Variants in ZFPM2 observed in about 807,000 individuals in gnomAD.
The protein encoded by ZFPM2 is zinc finger protein, FOG family member 2, also known as zinc finger protein ZFPM2.
ZFPM2 carries 20 observed loss-of-function variants against 98.6 expected under a neutral mutation model. The observed-to-expected ratio is 0.20, with a 90% CI of 0.14 to 0.29. ZFPM2 has a LOEUF of 0.29. ZFPM2 is among the 10% of genes least tolerant of loss of function. The pLI, the probability that ZFPM2 is intolerant of heterozygous loss-of-function variation, is 1.00. For missense variants in ZFPM2, 1,310 were observed against 1,388.6 expected, an observed-to-expected ratio of 0.94 and a Z score of 0.90; for synonymous variants, 518 against 502.7, an observed-to-expected ratio of 1.03 and a Z score of -0.41.
intron 2 of ZFPM2, among the ~76,000 whole-genome samples, chr8:105,419,779 G>T (rs1811756092): frequency 6.6e-6 from 1 of 151,878 alleles, no homozygotes; most frequent in African/African-American, 2.4e-5. Flanking sequence ...GGTGCTGTGG[G>T]GATATTGTCA....
chr8:105,456,686 GT>G (rs1272286137), intron 3 of ZFPM2, among the ~76,000 whole-genome samples: 1 of 151,930 alleles, frequency 6.6e-6, no homozygotes, highest in Non-Finnish European at 1.5e-5. Flanking sequence ...TTGCTTGTTT[GT>G]TTTGAGATGG....
intron 1 of ZFPM2, among the ~76,000 whole-genome samples, chr8:105,399,779 T>C (rs1287260882): frequency 2.6e-5 from 4 of 152,216 alleles, no homozygotes; most frequent in Non-Finnish European, 5.9e-5. Context: ...TTGTTTTTTT[T>C]GTTTTGAGAC....
Position 105,785,324 on chromosome 8 carries a change from AACAC to A in ZFPM2, c.533-3385_533-3382del, listed in dbSNP as rs994080901. On this transcript the variant is annotated intron_variant, in intron 5 of 7. Transcript: ENST00000407775. ...ATATACACACATACAACAGACACAC[AACAC>A]ACACACACGCACACGCACACTTGGA... 5.4e-5 allele frequency: 8 copies of A among 147,136 alleles called. 1 individual carries two copies. The highest frequency in any genetic ancestry group is 3.4e-3 in the Middle Eastern group (1 of 292). 9.1% of individuals were successfully genotyped at this position (147,136 alleles called of 1,614,324 possible).
chr8:105,733,143 A>C (rs1419104622), intron 5 of ZFPM2, among the ~76,000 whole-genome samples: 1 of 152,032 alleles, frequency 6.6e-6, no homozygotes. Flanking sequence ...AGATACAGTA[A>C]TGTGTGCATA....
At chr8:105,647,717 T>C (rs948570503) in intron 5 of ZFPM2, among the ~76,000 whole-genome samples, 1 of 152,174 alleles carries the variant, frequency 6.6e-6, no homozygotes, top group African/African-American at 2.4e-5. Flanking sequence ...TCATCCTTTT[T>C]TATGGCTGCA....
At chr8:105,634,402 C>G (rs1816809490) in intron 5 of ZFPM2, 45 bp downstream of exon 5, 3 of 1,452,494 alleles carry the variant, frequency 2.1e-6, no homozygotes, top group Non-Finnish European at 2.9e-6. Flanking sequence ...GTATTAAAAC[C>G]TGAGCATTGC....
At chr8:105,770,650 A>G (rs1053808641) in intron 5 of ZFPM2, among the ~76,000 whole-genome samples, 2 of 152,128 alleles carry the variant, frequency 1.3e-5, no homozygotes, top group Non-Finnish European at 2.9e-5. Context: ...TTAGATAGTA[A>G]GTAAACTCTT....
chr8:105,731,834 A>G (rs1811947046), intron 5 of ZFPM2, among the ~76,000 whole-genome samples: 2 of 151,974 alleles, frequency 1.3e-5, no homozygotes, highest in Admixed American at 1.3e-4. Context: ...AAATGATGTC[A>G]TATGAATAAG....
chr8:105,796,068 A>ATGAG (rs1314418286), intron 6 of ZFPM2, among the ~76,000 whole-genome samples: 2 of 152,222 alleles, frequency 1.3e-5, no homozygotes, highest in Admixed American at 1.3e-4. Context: ...AAATTATCAG[A>ATGAG]TGAGTCTGAA....
intron 4 of ZFPM2, among the ~76,000 whole-genome samples, chr8:105,567,662 T>C (rs1436533681): frequency 6.6e-6 from 1 of 152,096 alleles, no homozygotes; most frequent in Non-Finnish European, 1.5e-5. Flanking sequence ...TGAAATAAAT[T>C]TAAAAGCAAT....
chr8:105,800,301 T>G (rs1440622182), intron 7 of ZFPM2, among the ~76,000 whole-genome samples: 3 of 152,114 alleles, frequency 2.0e-5, no homozygotes, highest in Non-Finnish European at 4.4e-5. Flanking sequence ...AGAGTCAATC[T>G]TAGTGATGCT....
intron 5 of ZFPM2, among the ~76,000 whole-genome samples, chr8:105,672,062 T>C (rs552941674): frequency 1.1e-3 from 165 of 152,248 alleles, no homozygotes; most frequent in Non-Finnish European, 1.9e-3. Flanking sequence ...TTTCATCAAA[T>C]AAATAAAGTC....
chr8:105,419,571 G>T (rs749632640), intron 2 of ZFPM2, among the ~76,000 whole-genome samples: 37 of 152,074 alleles, frequency 2.4e-4, no homozygotes, highest in Non-Finnish European at 3.8e-4. Flanking sequence ...AATTAACTGT[G>T]ATATATTTAA....
chr8:105,466,965 G>A (rs35318442), intron 3 of ZFPM2, among the ~76,000 whole-genome samples: 12,960 of 151,948 alleles, frequency 0.085, 668 homozygotes, highest in South Asian at 0.14. Flanking sequence ...AGTAACTGTG[G>A]GCATTTTGCC....
chr8:105,802,980 C>G lies in ZFPM2; in HGVS notation c.2898C>G (p.Cys966Trp). 6.2e-7 allele frequency: 1 copy of G among 1,612,808 alleles called. No individual in the cohort carries two copies. The highest frequency in any genetic ancestry group is 8.5e-7 in the Non-Finnish European group (1 of 1,179,354). Residue 966 changes from cysteine (C) to tryptophan (W), a missense_variant, in exon 8 of 8, where the codon TGC (cysteine) becomes TGG (tryptophan). Cys to Trp is a radical substitution (Grantham distance 215). Coordinates refer to ENST00000407775, the MANE Select transcript of ZFPM2 (RefSeq NM_012082.4). The part of the protein sequence containing the change: ...EENRHLFLPQ[C>W]LYPGAIKKAK... ...ACAGACATTTGTTTCTTCCACAATG[C>G]CTTTACCCTGGAGCAATAAAGAAAG... is the stretch of plus-strand genomic sequence containing the variant.
intron 5 of ZFPM2, among the ~76,000 whole-genome samples, chr8:105,779,870 C>T (rs1234529573): frequency 6.6e-6 from 1 of 152,080 alleles, no homozygotes; most frequent in African/African-American, 2.4e-5. Flanking sequence ...TAGTAACAGG[C>T]GCATGAATTT....
intron 5 of ZFPM2, among the ~76,000 whole-genome samples, chr8:105,753,917 C>T (rs1174219910): frequency 1.3e-5 from 2 of 152,078 alleles, no homozygotes; most frequent in Non-Finnish European, 2.9e-5. Context: ...TCAGTATGGT[C>T]CTTGTATCAT....
intron 5 of ZFPM2, among the ~76,000 whole-genome samples, chr8:105,781,204 T>C (rs1813239572): frequency 6.6e-6 from 1 of 152,218 alleles, no homozygotes; most frequent in African/African-American, 2.4e-5. Context: ...AACTGTATTG[T>C]GCAGTCAAGA....
chr8:105,506,762 C>CG (rs1315857377), intron 3 of ZFPM2, among the ~76,000 whole-genome samples: 1 of 151,792 alleles, frequency 6.6e-6, no homozygotes, highest in Non-Finnish European at 1.5e-5. Flanking sequence ...CTGAGGCGGG[C>CG]GGATCACGAG....
Sources: allele counts gnomAD v4.1 joint callset (sites outside exome capture counted in the v4.1 genomes callset), GRCh38; gene constraint gnomAD v4.1.1; transcripts MANE v1.5; gene names NCBI Gene and HGNC (gene_info 2026-07-23, HGNC 2026-07-21).